The following ARHGAP32 variants were observed in gnomAD, a reference collection of about 807,000 sequenced individuals.
ARHGAP32 encodes the protein rho GTPase-activating protein 32.
A neutral mutation model predicts 186.5 loss-of-function variants in ARHGAP32; 51 were observed. The ratio of observed to expected loss-of-function variants is 0.27; its 90% CI spans 0.22 to 0.35. ARHGAP32 has a LOEUF of 0.35. Ranked by LOEUF, ARHGAP32 falls within the 10% of genes least tolerant of loss-of-function variation. ARHGAP32 has a pLI of 1.00. For synonymous variants in ARHGAP32, 950 were observed against 964.3 expected (o/e 0.99, Z 0.27); for missense variants, 2,186 against 2,623.5 (o/e 0.83, Z 3.64).
chr11:129,164,503 G>A, intron 1 of ARHGAP32, 76 bp from the exon 2 acceptor site: 2 of 837,462 alleles, frequency 2.4e-6, no homozygotes, highest in South Asian at 3.5e-5. Context: ...ACAATTGAAA[G>A]AGCAGAAAAA....
intron 2 of ARHGAP32, among the ~76,000 whole-genome samples, chr11:129,155,441 T>C (rs987419369): frequency 6.6e-6 from 1 of 152,194 alleles, no homozygotes; most frequent in African/African-American, 2.4e-5. Context: ...ACAGCTGTGC[T>C]AAAATAATGG....
chr11:129,116,506 T>G (rs1261784160), intron 5 of ARHGAP32, among the ~76,000 whole-genome samples: 6 of 152,060 alleles, frequency 3.9e-5, no homozygotes, highest in Admixed American at 3.9e-4. Context: ...GCTAAGATTT[T>G]TATTTCTTTT....
intron 14 of ARHGAP32, 44 bp downstream of exon 14, chr11:128,986,480 C>T (rs1591502787): frequency 6.2e-7 from 1 of 1,603,592 alleles, no homozygotes; most frequent in Non-Finnish European, 8.5e-7. Flanking sequence ...AAAAGCACAG[C>T]AAAGTTCCAC....
chr11:129,081,993 C>T (rs1356526788), intron 6 of ARHGAP32, among the ~76,000 whole-genome samples: 2 of 151,990 alleles, frequency 1.3e-5, no homozygotes, highest in Non-Finnish European at 1.5e-5. Flanking sequence ...AATTTAATCC[C>T]TTTTACAATA....
At chr11:129,055,535 A>G (rs531784200) in intron 10 of ARHGAP32, among the ~76,000 whole-genome samples, 1 of 152,350 alleles carries the variant, frequency 6.6e-6, no homozygotes, top group East Asian at 1.9e-4. Flanking sequence ...AAGCAACCAC[A>G]AGGTCCTTCA....
intron 1 of ARHGAP32, among the ~76,000 whole-genome samples, chr11:129,165,714 T>G (rs1249779761): frequency 6.6e-6 from 1 of 150,778 alleles, no homozygotes; most frequent in Non-Finnish European, 1.5e-5. Context: ...CTGCCTATGA[T>G]GCAGAAAGCT....
At chr11:129,238,857 CAG>C (rs1565477250) in intron 1 of ARHGAP32, among the ~76,000 whole-genome samples, 2 of 151,500 alleles carry the variant, frequency 1.3e-5, no homozygotes, top group African/African-American at 2.4e-5. Flanking sequence ...TTTTTTGAAA[CAG>C]GGTCTCACTC....
At chr11:129,240,580 T>A (rs561591256) in intron 1 of ARHGAP32, among the ~76,000 whole-genome samples, 1 of 152,318 alleles carries the variant, frequency 6.6e-6, no homozygotes, top group African/African-American at 2.4e-5. Context: ...TGAATTACTC[T>A]TGCGGGCCAA....
chr11:129,124,001 A>G (rs1368784009), intron 3 of ARHGAP32, 72 bp from the exon 4 acceptor site: 1 of 1,089,296 alleles, frequency 9.2e-7, no homozygotes, highest in Non-Finnish European at 1.2e-6. Flanking sequence ...ATCTAACTCT[A>G]CTAAGTGAAA....
chr11:128,983,411 G>A (rs566102449), intron 15 of ARHGAP32, among the ~76,000 whole-genome samples: 9 of 150,812 alleles, frequency 6.0e-5, no homozygotes, highest in African/African-American at 7.3e-5. Context: ...ACCAAACACC[G>A]CATGTTCTCA....
chr11:129,151,747 A>C (rs1014454054), intron 2 of ARHGAP32, among the ~76,000 whole-genome samples: 5 of 152,198 alleles, frequency 3.3e-5, no homozygotes, highest in Non-Finnish European at 7.4e-5. Flanking sequence ...TCATAGCATT[A>C]AATGCCCATA....
intron 1 of ARHGAP32, among the ~76,000 whole-genome samples, chr11:129,229,976 G>T (rs1478333480): frequency 6.6e-6 from 1 of 151,884 alleles, no homozygotes; most frequent in Non-Finnish European, 1.5e-5. Flanking sequence ...CACCACACCT[G>T]GCTAATTTTT....
At chr11:129,035,568 C>T (rs1939296578) in intron 11 of ARHGAP32, among the ~76,000 whole-genome samples, 1 of 152,194 alleles carries the variant, frequency 6.6e-6, no homozygotes, top group South Asian at 2.1e-4. Flanking sequence ...TACATTTTGG[C>T]TGGGTACAGT....
At chr11:129,094,960 A>T (rs1221104371) in intron 5 of ARHGAP32, among the ~76,000 whole-genome samples, 1 of 152,170 alleles carries the variant, frequency 6.6e-6, no homozygotes, top group Non-Finnish European at 1.5e-5. Context: ...ACTAATACTT[A>T]ATAAATGTAA....
chr11:129,217,942 G>T (rs1294887393), intron 1 of ARHGAP32, among the ~76,000 whole-genome samples: 1 of 152,078 alleles, frequency 6.6e-6, no homozygotes, highest in African/African-American at 2.4e-5. Flanking sequence ...TGCAAAATTG[G>T]ACTAATAGGA....
At chr11:129,036,697 G>A (rs1346983415) in intron 11 of ARHGAP32, among the ~76,000 whole-genome samples, 3 of 152,126 alleles carry the variant, frequency 2.0e-5, no homozygotes, top group East Asian at 3.8e-4. Context: ...TTAAACACTT[G>A]ACACACAAGA....
At chr11:128,990,583 T>C (rs1276960709) in intron 12 of ARHGAP32, among the ~76,000 whole-genome samples, 1 of 152,222 alleles carries the variant, frequency 6.6e-6, no homozygotes, top group Non-Finnish European at 1.5e-5. Flanking sequence ...GTTATGGTTA[T>C]GTAGTAAAGA....
intron 18 of ARHGAP32, among the ~76,000 whole-genome samples, chr11:128,979,522 A>C (rs1348666338): frequency 1.3e-5 from 2 of 152,242 alleles, no homozygotes; most frequent in Admixed American, 1.3e-4. Context: ...ACCCAGGCCA[A>C]TCTACATCCC....
intron 11 of ARHGAP32, among the ~76,000 whole-genome samples, chr11:129,001,356 CTCTGATGA>C (rs1272833253): frequency 4.6e-5 from 7 of 152,170 alleles, no homozygotes; most frequent in African/African-American, 1.7e-4. Flanking sequence ...ATTTGCATTT[CTCTGATGA>C]TCAATGATGT....
Sources: allele counts gnomAD v4.1 joint callset (sites outside exome capture counted in the v4.1 genomes callset), GRCh38; gene constraint gnomAD v4.1.1; transcripts MANE v1.5; gene names NCBI Gene and HGNC (gene_info 2026-07-23, HGNC 2026-07-21).